The following RORA variants were observed in gnomAD, a reference collection of about 807,000 sequenced individuals.
The protein encoded by RORA is nuclear receptor ROR-alpha.
Under a neutral mutation model 69.5 loss-of-function variants are expected in RORA, and 7 were observed. The observed-to-expected ratio is 0.10, with a 90% confidence interval of 0.06 to 0.19. The LOEUF (loss-of-function observed/expected upper bound fraction) is 0.19. Among genes scored for constraint, RORA ranks in the 10% least tolerant of loss-of-function variants. RORA has a pLI of 1.00. For synonymous variants in RORA, 261 were observed against 240.8 expected, an observed-to-expected ratio of 1.08 and a Z score of -0.78; for missense variants, 457 against 663.0, an observed-to-expected ratio of 0.69 and a Z score of 3.41.
chr15:60,822,602 C>T (rs764188390), intron 1 of RORA, among the ~76,000 whole-genome samples: 28 of 152,200 alleles, frequency 1.8e-4, no homozygotes, highest in Non-Finnish European at 3.7e-4. Context: ...CTCCCCACAA[C>T]GAGGCTGACT....
intron 3 of RORA, among the ~76,000 whole-genome samples, chr15:60,521,701 T>C (rs2066172586): frequency 6.6e-6 from 1 of 152,232 alleles, no homozygotes; most frequent in African/African-American, 2.4e-5. Flanking sequence ...TGGCTGGGAC[T>C]CAATCTCTTG....
In RORA at chr15:60,829,148, C is replaced by T. The variant is rs532365419; in HGVS notation, c.167-150462G>A. ...TTCTGGCCCACTCTGGTTCAAGCCT[C>T]ACCTTCGCTTACCTGGACTGCTGCC... On this transcript the variant is annotated intron_variant, in intron 1 of 10. Transcript: ENST00000335670. Among the ~76,000 whole-genome samples the T allele has an allele frequency of 7.9e-5, 12 of 152,292 alleles. No individual in the cohort carries two copies. In the South Asian group the frequency reaches 2.3e-3, roughly 29 times the overall value.
chr15:61,025,660 C>T (rs570854015), intron 1 of RORA, among the ~76,000 whole-genome samples: 2 of 152,154 alleles, frequency 1.3e-5, no homozygotes, highest in Non-Finnish European at 1.5e-5. Flanking sequence ...CCACCAGACA[C>T]GGTTCTGAGT....
chr15:61,091,822 GGAAAA>G (rs769628539), intron 1 of RORA, among the ~76,000 whole-genome samples: 1 of 152,096 alleles, frequency 6.6e-6, no homozygotes, highest in Non-Finnish European at 1.5e-5. Context: ...CATAGGCAAG[GGAAAA>G]GATAAAGTAA....
rs1390215001 is a variant in RORA, at chr15:60,952,614, T to C, written c.167-273928A>G. ...AAAGTCTCAGGATACAAAATCACTG[T>C]ACAAAAATCAGAAGCATTCCTATAC... On this transcript the variant is annotated intron_variant, in intron 1 of 10. Transcript: ENST00000335670. Among the ~76,000 whole-genome samples, 5 of 152,256 alleles carry C rather than the reference T, an allele frequency of 3.3e-5. 1 individual carries two copies. Among genetic ancestry groups the C allele is most frequent in the African/African-American group, 1.2e-4 (5 of 41,560 alleles).
At chr15:60,505,744 G>C in intron 5 of RORA, 115 bp from the exon 6 acceptor site, 1 of 1,218,226 alleles carries the variant, frequency 8.2e-7, no homozygotes, top group African/African-American at 1.5e-5. Flanking sequence ...TGCGAGTTTT[G>C]ACTGTCTTTA....
At chr15:61,038,975 G>A (rs187084251) in intron 1 of RORA, 5 of 152,178 alleles carry the variant, frequency 3.3e-5, no homozygotes, top group Non-Finnish European at 7.3e-5. Context: ...AGAGGGTAAA[G>A]GGATATTTGA....
intron 2 of RORA, among the ~76,000 whole-genome samples, chr15:60,556,093 C>T (rs1376983370): frequency 6.6e-6 from 1 of 152,012 alleles, no homozygotes; most frequent in African/African-American, 2.4e-5. Context: ...AGTCCCTCTA[C>T]TTTCCAATGA....
intron 2 of RORA, among the ~76,000 whole-genome samples, chr15:60,568,968 A>G (rs978400190): frequency 1.5e-4 from 22 of 149,890 alleles, no homozygotes; most frequent in African/African-American, 2.7e-4. Context: ...AAAAAACTCA[A>G]TATTATGGCA....
intron 1 of RORA, among the ~76,000 whole-genome samples, chr15:61,174,629 C>A (rs2079612260): frequency 6.6e-6 from 1 of 152,192 alleles, no homozygotes; most frequent in Admixed American, 6.5e-5. Flanking sequence ...CATTTGTCAT[C>A]CTTATCAACC....
chr15:60,801,355 C>T (rs1000835724), intron 1 of RORA, among the ~76,000 whole-genome samples: 1 of 152,110 alleles, frequency 6.6e-6, no homozygotes, highest in Admixed American at 6.5e-5. Flanking sequence ...ATATAAGGAA[C>T]GAATGCTGCC....
intron 1 of RORA, among the ~76,000 whole-genome samples, chr15:60,685,287 C>G (rs1490877617): frequency 6.6e-6 from 1 of 152,216 alleles, no homozygotes; most frequent in African/African-American, 2.4e-5. Flanking sequence ...CTCCTGGATC[C>G]GCTGTGCTCT....
At chr15:60,718,027 G>A (rs552298796) in intron 1 of RORA, among the ~76,000 whole-genome samples, 186 of 152,008 alleles carry the variant, frequency 1.2e-3, no homozygotes, top group African/African-American at 4.2e-3. Flanking sequence ...TCGAACTCCC[G>A]ACCTCAAGTG....
intron 1 of RORA, among the ~76,000 whole-genome samples, chr15:60,865,776 A>G (rs1423482067): frequency 2.0e-5 from 3 of 152,244 alleles, no homozygotes; most frequent in African/African-American, 7.2e-5. Flanking sequence ...CCAACCACAG[A>G]GAGTTCCTAC....
intron 1 of RORA, among the ~76,000 whole-genome samples, chr15:61,067,169 T>C (rs2576985): frequency 2.0e-5 from 3 of 151,464 alleles, no homozygotes; most frequent in African/African-American, 7.3e-5. Context: ...TGGAGTGCAG[T>C]GGCATGATCT....
At chr15:60,700,785 T>G (rs1227452185) in intron 1 of RORA, among the ~76,000 whole-genome samples, 1 of 152,200 alleles carries the variant, frequency 6.6e-6, no homozygotes, top group Non-Finnish European at 1.5e-5. Context: ...TTTTCTTGAC[T>G]GAGCTAATTC....
At chr15:60,523,187 C>A (rs1243531279) in intron 3 of RORA, among the ~76,000 whole-genome samples, 3 of 152,180 alleles carry the variant, frequency 2.0e-5, no homozygotes, top group Non-Finnish European at 4.4e-5. Flanking sequence ...ACTGAGTCAG[C>A]AAGGAAGTGG....
chr15:60,708,990 C>A (rs115176218), intron 1 of RORA, among the ~76,000 whole-genome samples: 1 of 152,172 alleles, frequency 6.6e-6, no homozygotes, highest in African/African-American at 2.4e-5. Context: ...GCAAAGAATA[C>A]GTGAGCAGCT....
At chr15:61,093,933 C>G (rs986096098) in intron 1 of RORA, among the ~76,000 whole-genome samples, 1 of 152,170 alleles carries the variant, frequency 6.6e-6, no homozygotes, top group Admixed American at 6.5e-5. Context: ...ACAGAGATGA[C>G]CTCAGGTGAG....
Sources: allele counts gnomAD v4.1 joint callset (sites outside exome capture counted in the v4.1 genomes callset), GRCh38; gene constraint gnomAD v4.1.1; transcripts MANE v1.5; gene names NCBI Gene and HGNC (gene_info 2026-07-23, HGNC 2026-07-21).